CEP63: variants seen among roughly 807,000 people sequenced by gnomAD.
The protein encoded by CEP63 is centrosomal protein 63.
CEP63 carries 84 observed loss-of-function variants against 89.1 expected under a neutral mutation model. The ratio of observed to expected loss-of-function variants is 0.94; its 90% confidence interval spans 0.79 to 1.13. The LOEUF (loss-of-function observed/expected upper bound fraction) is 1.13, where lower values mean the gene tolerates loss of function less well. Ranked by LOEUF, CEP63 falls within the 50% of genes most tolerant of loss-of-function variation. The pLI, the probability that CEP63 is intolerant of heterozygous loss-of-function variation, is 0.00. For missense variants in CEP63, 838 were observed against 813.3 expected (o/e 1.03, Z -0.37); for synonymous variants, 267 against 272.5 (o/e 0.98, Z 0.20).
At position 134,564,852 on chromosome 3, in the gene CEP63, A is replaced by C; in HGVS notation, c.*3317A>C. Reference sequence around the variant, plus strand: ...AATGACAGACTCTGTAGTCACCGGAAATACTTAAGGAATCATGAGGTACTA... The same window carrying C: ...AATGACAGACTCTGTAGTCACCGGACATACTTAAGGAATCATGAGGTACTA... On this transcript the variant is annotated 3_prime_UTR_variant, in exon 15 of 15. Transcript: ENST00000675561. 1 of 985,358 alleles carries C rather than the reference A, an allele frequency of 1.0e-6. No homozygotes were observed. The highest frequency in any genetic ancestry group is 1.2e-6 in the Non-Finnish European group (1 of 829,858). The allele number at this position is 985,358 out of a possible 1,614,324, so 61.0% of individuals were successfully genotyped here.
chr3:134,603,287 G>A, the CEP63 span: 6 of 280,406 alleles, frequency 2.1e-5, no homozygotes, highest in African/African-American at 8.7e-5. Flanking sequence ...GCACTAATAC[G>A]AGAAGGGGCA....
At chr3:134,726,643 T>C in the CEP63 span, among the ~76,000 whole-genome samples, 67 of 152,122 alleles carry the variant, frequency 4.4e-4, no homozygotes, top group Non-Finnish European at 7.1e-4. Flanking sequence ...ATGCAAGTAC[T>C]GGTCAATAAA....
At chr3:134,677,893 T>G in the CEP63 span, among the ~76,000 whole-genome samples, 1 of 152,070 alleles carries the variant, frequency 6.6e-6, no homozygotes, top group South Asian at 2.1e-4. Context: ...ATTCCTGGCA[T>G]GCTTTCTCTC....
the CEP63 span, among the ~76,000 whole-genome samples, chr3:134,776,915 G>C: frequency 1.3e-5 from 2 of 152,206 alleles, no homozygotes; most frequent in African/African-American, 4.8e-5. Context: ...TGGACAAACT[G>C]TTAGGCTGAG....
the CEP63 span, among the ~76,000 whole-genome samples, chr3:134,742,006 G>GTT: frequency 6.6e-6 from 1 of 152,248 alleles, no homozygotes; most frequent in South Asian, 2.1e-4. Context: ...GTGTGTGTGT[G>GTT]TGTGTGTGCA....
chr3:134,781,520 G>C, the CEP63 span, among the ~76,000 whole-genome samples: 1 of 152,214 alleles, frequency 6.6e-6, no homozygotes, highest in African/African-American at 2.4e-5. Flanking sequence ...AGGCGGGAGA[G>C]GGTGGTGGGC....
intron 3 of CEP63, among the ~76,000 whole-genome samples, chr3:134,507,909 G>A (rs1461387954): frequency 1.3e-5 from 2 of 152,166 alleles, no homozygotes; most frequent in Non-Finnish European, 2.9e-5. Context: ...AATATTGGAA[G>A]GGAAGTAGAA....
the CEP63 span, among the ~76,000 whole-genome samples, chr3:134,694,641 G>A: frequency 6.6e-6 from 1 of 152,184 alleles, no homozygotes; most frequent in Non-Finnish European, 1.5e-5. Context: ...AGATGCCAGG[G>A]GCTGCTGCTT....
chr3:134,608,904 C>A, the CEP63 span: 1 of 1,536,372 alleles, frequency 6.5e-7, no homozygotes, highest in Non-Finnish European at 8.8e-7. Context: ...CCAATACACC[C>A]ACCGGAGTGG....
At chr3:134,705,040 G>T in the CEP63 span, among the ~76,000 whole-genome samples, 1 of 152,172 alleles carries the variant, frequency 6.6e-6, no homozygotes, top group Non-Finnish European at 1.5e-5. Context: ...AGGAATATCT[G>T]CAGTCCTAGA....
chr3:134,620,278 A>G, the CEP63 span, among the ~76,000 whole-genome samples: 1 of 152,186 alleles, frequency 6.6e-6, no homozygotes, highest in Non-Finnish European at 1.5e-5. Flanking sequence ...CCAGTGGCCA[A>G]TGTTGCTAGT....
At chr3:134,672,909 C>A in the CEP63 span, among the ~76,000 whole-genome samples, 1 of 152,200 alleles carries the variant, frequency 6.6e-6, no homozygotes, top group African/African-American at 2.4e-5. Context: ...CTAATCATGT[C>A]ATGTCCTGGC....
chr3:134,578,342 T>G (rs1419954956), downstream of CEP63, among the ~76,000 whole-genome samples: 1 of 148,654 alleles, frequency 6.7e-6, no homozygotes, highest in Non-Finnish European at 1.5e-5. Context: ...TTTTTTTTTT[T>G]TTTTTGAGAT....
the CEP63 span, chr3:134,627,883 A>G: frequency 7.8e-7 from 1 of 1,285,504 alleles, no homozygotes; most frequent in Non-Finnish European, 1.1e-6. Context: ...AGCACTGATG[A>G]CTCACCTTCT....
At chr3:134,716,448 G>C in the CEP63 span, among the ~76,000 whole-genome samples, 1 of 152,186 alleles carries the variant, frequency 6.6e-6, no homozygotes, top group African/African-American at 2.4e-5. Flanking sequence ...GCAGGGAAGA[G>C]GAAGTAAAGT....
the CEP63 span, among the ~76,000 whole-genome samples, chr3:134,701,147 T>G: frequency 6.6e-6 from 1 of 150,996 alleles, no homozygotes; most frequent in Non-Finnish European, 1.5e-5. Flanking sequence ...CCCCAACATA[T>G]ACATACATAC....
chr3:134,554,546 G>A (rs1222107478), intron 12 of CEP63, among the ~76,000 whole-genome samples: 5 of 148,690 alleles, frequency 3.4e-5, no homozygotes, highest in Admixed American at 1.3e-4. Flanking sequence ...ATAAACATAC[G>A]TGTGCATGTG....
the CEP63 span, among the ~76,000 whole-genome samples, chr3:134,772,043 C>G: frequency 1.3e-5 from 2 of 152,156 alleles, no homozygotes; most frequent in Non-Finnish European, 2.9e-5. Flanking sequence ...CAGGTAAGAT[C>G]AAGTTGCACA....
rs1957612413 is a variant in CEP63, at chr3:134,564,378, G to T, written c.*2843G>T. 2.0e-6 allele frequency: 2 copies of T among 985,412 alleles called. No homozygotes were observed. Among genetic ancestry groups the T allele is most frequent in the African/African-American group, 1.7e-5 (1 of 57,294 alleles). 61.0% of individuals were successfully genotyped at this position (985,412 alleles called of 1,614,324 possible). ...CCCCCTTTACTTGGCTACTTTATCTGGCTTGGCAAAGCTTTCCCATATCCC... is the reference window on the plus strand; with the variant it reads ...CCCCCTTTACTTGGCTACTTTATCTTGCTTGGCAAAGCTTTCCCATATCCC... On this transcript the variant is annotated 3_prime_UTR_variant, in exon 15 of 15. Transcript: ENST00000675561.
Sources: gnomAD v4.1 joint callset for allele counts (sites outside exome capture counted in the v4.1 genomes callset) on GRCh38, gnomAD v4.1.1 for gene constraint, MANE v1.5 for transcripts, NCBI Gene and HGNC (gene_info 2026-07-23, HGNC 2026-07-21) for gene names.